Variants in CHST2 observed in about 807,000 individuals in gnomAD.
CHST2 encodes N-acetylglucosamine 6-O-sulfotransferase 1.
CHST2 carries 23 observed loss-of-function variants against 34.6 expected under a neutral mutation model. That is an observed-to-expected ratio of 0.67 (90% CI 0.48 to 0.94). The LOEUF (loss-of-function observed/expected upper bound fraction) is 0.94. CHST2 is among the 40% of genes least tolerant of loss of function. CHST2 has a pLI of 0.00. For missense variants in CHST2, 720 were observed against 759.5 expected, an observed-to-expected ratio of 0.95 and a Z score of 0.61; for synonymous variants, 392 against 343.1, an observed-to-expected ratio of 1.14 and a Z score of -1.58.
rs1258778098 is a variant in CHST2 at position 143,121,683 on chromosome 3, G to A, written c.867G>A (p.Ala289=). The change falls in exon 2 of 2, where the codon GCG becomes GCA. Residue 289 remains alanine (A), a synonymous_variant. Coordinates refer to ENST00000309575, the MANE Select transcript of CHST2 (RefSeq NM_004267.5). ...VCKKCPPQRL[A]RFEEECRKYR... is the part of the protein sequence containing the mutation. ...AGAAGTGCCCGCCACAGCGCCTGGC[G>A]CGTTTCGAGGAGGAGTGCCGCAAGT... is the stretch of plus-strand genomic sequence containing the variant. 1.3e-6 allele frequency: 2 copies of A among 1,578,464 alleles called. No individual in the cohort carries two copies. The highest frequency in any genetic ancestry group is 1.7e-6 in the Non-Finnish European group (2 of 1,157,848).
Position 143,120,474 on chromosome 3 carries a change from C to T in CHST2, c.-241C>T. The T allele has an allele frequency of 5.5e-6, 1 of 182,444 alleles. No homozygotes were observed. Among genetic ancestry groups the T allele is most frequent in the Non-Finnish European group, 1.1e-5 (1 of 87,762 alleles). The allele number at this position is 182,444 out of a possible 1,614,324, so 11.3% of individuals were successfully genotyped here. ...AGCGAGAGGGAGCGAAATCGAGGAA[C>T]GAGTGACAGCCGGACAGTCCGCCGG... On this transcript the variant is annotated 5_prime_UTR_variant, in exon 1 of 2. It adds an upstream start codon to the 5' untranslated region. Transcript: ENST00000309575. The surrounding 1 kb of genome is among the most constrained non-coding windows in gnomAD (Gnocchi z 4.1).
At position 143,123,137 on chromosome 3, in the gene CHST2, T is replaced by A. The variant is rs1301413986; in HGVS notation, c.*728T>A. 1 of 153,606 alleles carries A rather than the reference T, an allele frequency of 6.5e-6. No homozygotes were observed. Among genetic ancestry groups the A allele is most frequent in the East Asian group, 1.9e-4 (1 of 5,186 alleles). 9.5% of individuals were successfully genotyped at this position (153,606 alleles called of 1,614,324 possible). A position where few individuals can be genotyped will look rare whatever the true frequency, so the allele number is the denominator to read the frequency against. ...TGGTAATAACCTGGGGGATGTTTTC[T>A]CACATGTAAATCTCAGCCTGTTAGG... On this transcript the variant is annotated 3_prime_UTR_variant, in exon 2 of 2. Coordinates refer to ENST00000309575, the MANE Select transcript of CHST2 (RefSeq NM_004267.5).
rs926751419 is a variant in CHST2, at chr3:143,122,401, C to G, written c.1585C>G (p.Arg529Gly). 7 of 1,590,258 alleles carry G rather than the reference C, an allele frequency of 4.4e-6. No individual in the cohort carries two copies. Among genetic ancestry groups the G allele is most frequent in the African/African-American group, 1.3e-5 (1 of 74,084 alleles). Residue 529 changes from arginine to glycine, a missense_variant, in exon 2 of 2, where the codon CGT becomes GGT. Transcript: ENST00000309575. ...DLSKTLLRKP[R>G]L ...CAGCAAGACCCTGCTTCGGAAGCCC[C>G]GTCTCTAAAAGGGGTTCCCAGGAGA...
At position 143,121,199 on chromosome 3, in the gene CHST2, C is replaced by G. The variant is rs1225134041; in HGVS notation, c.383C>G (p.Pro128Arg). 1 of 1,557,264 alleles carries G rather than the reference C, an allele frequency of 6.4e-7. No homozygotes were observed. The highest frequency in any genetic ancestry group is 1.4e-5 in the African/African-American group (1 of 73,716). ...ARLDLRTPYR[P>R]PAAAVGAAPA... is the part of the protein sequence containing the mutation. ...TTGGACCTCCGCACTCCTTACCGCCCTCCCGCTGCCGCCGTCGGGGCGGCT... is the reference window on the plus strand; with the variant it reads ...TTGGACCTCCGCACTCCTTACCGCCGTCCCGCTGCCGCCGTCGGGGCGGCT... The change falls in exon 2 of 2, where the codon CCT becomes CGT. Residue 128 changes from proline to arginine, a missense_variant. Pro to Arg is a moderately radical substitution (Grantham distance 103, BLOSUM62 -2). This residue lies in a region of CHST2 where 287 missense variants were observed against 242.7 expected (regional missense o/e 1.18). Coordinates refer to ENST00000309575, the MANE Select transcript of CHST2 (RefSeq NM_004267.5).
rs749090847 is a variant in CHST2 at position 143,122,169 on chromosome 3, G to A, written c.1353G>A (p.Met451Ile). The change falls in exon 2 of 2, where the codon ATG (methionine) becomes ATA (isoleucine). Residue 451 changes from methionine to isoleucine, a missense_variant. This residue lies in a region of CHST2 where 224 missense variants were observed against 227.8 expected (regional missense o/e 0.98). Transcript: ENST00000309575. ...TGGGACTGTTGGTGAGCCCCGAAAT[G>A]GAGCAGTTTGCCCTGAACATGACCA... The part of the protein sequence containing the change: ...DFVGLLVSPE[M>I]EQFALNMTSG... 53 of 1,614,192 alleles carry A rather than the reference G, an allele frequency of 3.3e-5. No homozygotes were observed. The East Asian group carries it at 8.9e-4, about 27-fold the overall frequency.
rs1160768070 is a variant in CHST2 at position 143,122,197 on chromosome 3, G to T, written c.1381G>T (p.Gly461Cys). Residue 461 changes from glycine (G) to cysteine (C), a missense_variant, in exon 2 of 2, where the codon GGC becomes TGC. Around this residue, in one of 4 missense-constraint regions of CHST2, gnomAD observed 224 missense variants for 227.8 expected, o/e 0.98. Coordinates refer to ENST00000309575, the MANE Select transcript of CHST2 (RefSeq NM_004267.5). Reference sequence around the variant, plus strand: ...GCAGTTTGCCCTGAACATGACCAGTGGCTCGGGCTCCTCCTCCAAGCCTTT... The same window carrying T: ...GCAGTTTGCCCTGAACATGACCAGTTGCTCGGGCTCCTCCTCCAAGCCTTT... ...MEQFALNMTS[G>C]SGSSSKPFVV... 1 of 1,614,122 alleles carries T rather than the reference G, an allele frequency of 6.2e-7. No individual in the cohort carries two copies. Among genetic ancestry groups the T allele is most frequent in the South Asian group, 1.1e-5 (1 of 91,080 alleles).
At position 143,121,741 on chromosome 3, in the gene CHST2, T is replaced by C; in HGVS notation, c.925T>C (p.Phe309Leu). 6.2e-7 allele frequency: 1 copy of C among 1,602,902 alleles called. No individual in the cohort carries two copies. Among genetic ancestry groups the C allele is most frequent in the South Asian group, 1.1e-5 (1 of 89,526 alleles). Residue 309 changes from phenylalanine (F) to leucine (L), a missense_variant, in exon 2 of 2, where the codon TTC becomes CTC. Phe to Leu is a conservative substitution (Grantham distance 22, BLOSUM62 0). Coordinates refer to ENST00000309575, the MANE Select transcript of CHST2 (RefSeq NM_004267.5). ...RTLVIKGVRV[F>L]DVAVLAPLLR... ...ACTAGTCATAAAGGGTGTGCGCGTCTTCGACGTGGCGGTCTTGGCGCCACT... is the reference window on the plus strand; with the variant it reads ...ACTAGTCATAAAGGGTGTGCGCGTCCTCGACGTGGCGGTCTTGGCGCCACT...
Position 143,121,672 on chromosome 3 carries a change from C to T in CHST2, c.856C>T (p.Gln286Ter). Residue 286 changes from glutamine to a stop codon, truncating the protein, a stop_gained, in exon 2 of 2, where the codon CAG (glutamine) becomes TAG (stop). Coordinates refer to ENST00000309575, the MANE Select transcript of CHST2 (RefSeq NM_004267.5). LOFTEE classifies it high-confidence loss of function. ...CCGCGTGTGCAAGAAGTGCCCGCCA[C>T]AGCGCCTGGCGCGTTTCGAGGAGGA... ...DDRVCKKCPP[Q>*]RLARFEEECR... 6.3e-7 allele frequency: 1 copy of T among 1,576,596 alleles called. No individual in the cohort carries two copies. The highest frequency in any genetic ancestry group is 8.6e-7 in the Non-Finnish European group (1 of 1,156,982).
Position 143,122,402 on chromosome 3 carries a change from G to A in CHST2, c.1586G>A (p.Arg529His), listed in dbSNP as rs975880815. 5 of 1,588,636 alleles carry A rather than the reference G, an allele frequency of 3.1e-6. No individual in the cohort carries two copies. Among genetic ancestry groups the A allele is most frequent in the Admixed American group, 1.8e-5 (1 of 55,924 alleles). ...DLSKTLLRKP[R>H]L ...AGCAAGACCCTGCTTCGGAAGCCCC[G>A]TCTCTAAAAGGGGTTCCCAGGAGAC... The change falls in exon 2 of 2, where the codon CGT becomes CAT. Residue 529 changes from arginine to histidine, a missense_variant. Transcript: ENST00000309575.
rs774767551 is a variant in CHST2 at position 143,122,052 on chromosome 3, C to G, written c.1236C>G (p.Pro412=). ...AGACGCTGCAGACAGCCCTGCAGCC[C>G]CCTGACTGGCTGCAGGGCCACTACC... ...MAKTLQTALQ[P]PDWLQGHYLV... Residue 412 remains proline (P), a synonymous_variant, in exon 2 of 2, where the codon CCC becomes CCG. Coordinates refer to ENST00000309575, the MANE Select transcript of CHST2 (RefSeq NM_004267.5). The G allele has an allele frequency of 1.2e-5, 19 of 1,613,848 alleles. No individual in the cohort carries two copies. In the East Asian group the frequency reaches 4.2e-4, roughly 36 times the overall value.
In CHST2 at chr3:143,120,461, C is replaced by T. The variant is rs1363482705; in HGVS notation, c.-254C>T. ...GACCCCCAGCGGAAGCGAGAGGGAG[C>T]GAAATCGAGGAACGAGTGACAGCCG... On this transcript the variant is annotated 5_prime_UTR_variant, in exon 1 of 2. Transcript: ENST00000309575. This position sits in a 1 kb window ranked among gnomAD's most constrained non-coding sequence, Gnocchi z 4.1. The T allele has an allele frequency of 5.8e-6, 1 of 172,256 alleles. No homozygotes were observed. 10.7% of individuals were successfully genotyped at this position (172,256 alleles called of 1,614,324 possible).
Position 143,122,525 on chromosome 3 carries a change from A to C in CHST2, c.*116A>C, listed in dbSNP as rs1056535856. ...AGGAAGCCCACATATTCTATTATAG[A>C]TATATAAATAATCACACACACACTT... On this transcript the variant is annotated 3_prime_UTR_variant, in exon 2 of 2. Coordinates refer to ENST00000309575, the MANE Select transcript of CHST2 (RefSeq NM_004267.5). The C allele has an allele frequency of 3.5e-5, 36 of 1,033,208 alleles. No individual in the cohort carries two copies. In the African/African-American group the frequency reaches 4.9e-4, roughly 14 times the overall value. 64.0% of individuals were successfully genotyped at this position (1,033,208 alleles called of 1,614,324 possible).
Position 143,121,330 on chromosome 3 carries a change from A to G in CHST2, c.514A>G (p.Thr172Ala). The G allele has an allele frequency of 6.2e-7, 1 of 1,613,516 alleles. No individual in the cohort carries two copies. ...GCGGCAGCTGGTGTACGTGTTCACC[A>G]CGTGGCGCTCTGGCTCGTCGTTCTT... ...DKRQLVYVFT[T>A]WRSGSSFFGE... Residue 172 changes from threonine (T) to alanine (A), a missense_variant, in exon 2 of 2, where the codon ACG (threonine) becomes GCG (alanine). Thr to Ala is a moderately conservative substitution (Grantham distance 58). Coordinates refer to ENST00000309575, the MANE Select transcript of CHST2 (RefSeq NM_004267.5).
At position 143,120,863 on chromosome 3, in the gene CHST2, G is replaced by A. The variant is rs759255333; in HGVS notation, c.47G>A (p.Arg16Gln). 8.7e-5 allele frequency: 120 copies of A among 1,377,120 alleles called. 3 individuals are homozygous for A. Among genetic ancestry groups the A allele is most frequent in the South Asian group, 6.1e-4 (35 of 57,398 alleles). 85.3% of individuals were successfully genotyped at this position (1,377,120 alleles called of 1,614,324 possible). The change falls in exon 2 of 2, where the codon CGG becomes CAG. Residue 16 changes from arginine (R) to glutamine (Q), a missense_variant. Physicochemically the swap from Arg to Gln is conservative, Grantham distance 43. Transcript: ENST00000309575. The surrounding 1 kb of genome is among the most constrained non-coding windows in gnomAD (Gnocchi z 4.1). ...QRALPPGALP[R>Q]LLQAAPAAAP... ...GCTCTGCCCCCGGGCGCGCTCCCTCGGCTGCTCCAGGCTGCGCCTGCAGCC... is the reference window on the plus strand; with the variant it reads ...GCTCTGCCCCCGGGCGCGCTCCCTCAGCTGCTCCAGGCTGCGCCTGCAGCC...
chr3:143,121,905 T>TCACCGCATGCC lies in CHST2; in HGVS notation c.1091_1101dup (p.Phe368ThrfsTer84). The TCACCGCATGCC allele has an allele frequency of 6.3e-7, 1 of 1,577,362 alleles. No homozygotes were observed. Among genetic ancestry groups the TCACCGCATGCC allele is most frequent in the Non-Finnish European group, 8.6e-7 (1 of 1,159,784 alleles). On this transcript the variant is annotated frameshift_variant, in exon 2 of 2. Transcript: ENST00000309575. LOFTEE classifies it high-confidence loss of function. The stretch of plus-strand genomic sequence containing the variant: ...TGGTGCGCAGCCGAGACCCGCGAGC[T>TCACCGCATGCC]CACCGCATGCCCTTCTTGGAGGCCG...
At position 143,122,537 on chromosome 3, in the gene CHST2, T is replaced by G; in HGVS notation, c.*128T>G. On this transcript the variant is annotated 3_prime_UTR_variant, in exon 2 of 2. Coordinates refer to ENST00000309575, the MANE Select transcript of CHST2 (RefSeq NM_004267.5). Reference sequence around the variant, plus strand: ...TATTCTATTATAGATATATAAATAATCACACACACACTTGCTGTCAATGTT... The same window carrying G: ...TATTCTATTATAGATATATAAATAAGCACACACACACTTGCTGTCAATGTT... 2.2e-6 allele frequency: 2 copies of G among 918,246 alleles called. No individual in the cohort carries two copies. The highest frequency in any genetic ancestry group is 2.2e-5 in the South Asian group (1 of 44,724). The allele number at this position is 918,246 out of a possible 1,614,324, so 56.9% of individuals were successfully genotyped here.
rs1016920468 is a variant in CHST2, at chr3:143,123,770, T to C, written c.*1361T>C. The C allele has an allele frequency of 1.2e-4, 19 of 152,222 alleles. No homozygotes were observed. Among genetic ancestry groups the C allele is most frequent in the Admixed American group, 3.3e-4 (5 of 15,288 alleles). 9.4% of individuals were successfully genotyped at this position (152,222 alleles called of 1,614,324 possible). ...TTCAGCCAAGAGCTTCTTTTAGATA[T>C]GATAATGAATTGTGGTAAAGAGGAA... On this transcript the variant is annotated 3_prime_UTR_variant, in exon 2 of 2. Coordinates refer to ENST00000309575, the MANE Select transcript of CHST2 (RefSeq NM_004267.5).
rs4149495 is a variant in CHST2 at position 143,123,188 on chromosome 3, T to A, written c.*779T>A. 36,321 of 152,114 alleles carry A rather than the reference T, an allele frequency of 0.24. 4,884 individuals are homozygous for A. The highest frequency in any genetic ancestry group is 0.38 in the East Asian group (1,952 of 5,150). 9.4% of individuals were successfully genotyped at this position (152,114 alleles called of 1,614,324 possible). A position where few individuals can be genotyped will look rare whatever the true frequency, so the allele number is the denominator to read the frequency against. On this transcript the variant is annotated 3_prime_UTR_variant, in exon 2 of 2. Transcript: ENST00000309575. ...TGTCCAGGAGTGAAACACATCTTTG[T>A]ATTCTAAAGGCAGAAACCAAACAGG...
rs976904125 is a variant in CHST2, at chr3:143,119,915, G to C, written c.-800G>C. The C allele has an allele frequency of 6.8e-6, 1 of 147,124 alleles. No individual in the cohort carries two copies. Among genetic ancestry groups the C allele is most frequent in the Non-Finnish European group, 1.5e-5 (1 of 66,826 alleles). The allele number at this position is 147,124 out of a possible 1,614,324, so 9.1% of individuals were successfully genotyped here. A position where few individuals can be genotyped will look rare whatever the true frequency, so the allele number is the denominator to read the frequency against. ...AATACCTCGTTGGCCAGAAGCGCTG[G>C]TACCGGGGGCGGGTTGGGTCGGGTC... On this transcript the variant is annotated 5_prime_UTR_variant, in exon 1 of 2. Transcript: ENST00000309575.
Sources: gnomAD v4.1 joint callset for allele counts on GRCh38, gnomAD v4.1.1 for gene constraint, gnomAD v4.1.1 regional missense constraint, Gnocchi (gnomAD v3.1) non-coding constraint, MANE v1.5 for transcripts, NCBI Gene and HGNC (gene_info 2026-07-23, HGNC 2026-07-21) for gene names.